The following ADAMTS6 variants were observed in gnomAD, a reference collection of about 807,000 sequenced individuals.
The protein encoded by ADAMTS6 is A disintegrin and metalloproteinase with thrombospondin motifs 6.
In ADAMTS6, 23 loss-of-function variants were observed where a neutral mutation model predicts 144.3. The ratio of observed to expected loss-of-function variants is 0.16; its 90% confidence interval spans 0.11 to 0.23. ADAMTS6 has a LOEUF of 0.23. ADAMTS6 is among the 10% of genes least tolerant of loss of function. The probability of loss-of-function intolerance (pLI) is 1.00; values close to 1 mark genes in which losing one functional copy is unlikely to be tolerated. For missense variants in ADAMTS6, 999 were observed against 1,379.6 expected (o/e 0.72, Z 4.37); for synonymous variants, 444 against 457.5 (o/e 0.97, Z 0.38).
At chr5:65,195,964 T>C (rs1462892635) in intron 21 of ADAMTS6, among the ~76,000 whole-genome samples, 1 of 152,244 alleles carries the variant, frequency 6.6e-6, no homozygotes, top group Non-Finnish European at 1.5e-5. Flanking sequence ...TTTTGCTCAA[T>C]CAAGAAACAT....
intron 7 of ADAMTS6, among the ~76,000 whole-genome samples, chr5:65,381,706 T>C (rs1054981421): frequency 5.3e-5 from 8 of 152,022 alleles, no homozygotes; most frequent in African/African-American, 1.9e-4. Context: ...ACCATTTTTG[T>C]TGCTGATAAA....
At position 65,473,600 on chromosome 5, in the gene ADAMTS6, T is replaced by G. The variant is rs573597172; in HGVS notation, c.74A>C (p.His25Pro). The G allele has an allele frequency of 3.7e-6, 6 of 1,613,724 alleles. No homozygotes were observed. In the African/African-American group the frequency reaches 6.7e-5, roughly 18 times the overall value. The change falls in exon 2 of 25, where the codon CAC (histidine) becomes CCC (proline). Residue 25 changes from histidine to proline, a missense_variant. By Grantham distance (77) the His-to-Pro change is moderately conservative. Around this residue, in one of 3 missense-constraint regions of ADAMTS6, gnomAD observed 252 missense variants for 293.7 expected, o/e 0.86. Transcript: ENST00000381055. ...IMASSEFHSDHRLSYSSQEEF... is the reference protein window; with the variant it reads ...IMASSEFHSDPRLSYSSQEEF... ...ACCTTGAGAACTGTATGAAAGCCTG[T>G]GGTCACTATGAAATTCCGATGAAGC... is the stretch of plus-strand genomic sequence containing the variant.
intron 1 of ADAMTS6, among the ~76,000 whole-genome samples, chr5:65,477,605 G>C (rs1760928628): frequency 6.6e-6 from 1 of 152,168 alleles, no homozygotes; most frequent in Non-Finnish European, 1.5e-5. Context: ...ACTACTATAT[G>C]ATTTAAGGAT....
At chr5:65,299,428 A>C (rs1030749838) in intron 10 of ADAMTS6, among the ~76,000 whole-genome samples, 1 of 152,196 alleles carries the variant, frequency 6.6e-6, no homozygotes, top group Non-Finnish European at 1.5e-5. Flanking sequence ...GCTAATTTGT[A>C]TTCTTCACAT....
chr5:65,442,842 T>C (rs1344054990), intron 7 of ADAMTS6, among the ~76,000 whole-genome samples: 2 of 152,014 alleles, frequency 1.3e-5, no homozygotes, highest in Non-Finnish European at 2.9e-5. Flanking sequence ...TCCCCTACCC[T>C]CAACAGGCCC....
intron 7 of ADAMTS6, among the ~76,000 whole-genome samples, chr5:65,351,304 A>C (rs1412849318): frequency 6.6e-6 from 1 of 152,244 alleles, no homozygotes; most frequent in African/African-American, 2.4e-5. Context: ...CTTTCAAGTG[A>C]TTGTCTCAAG....
chr5:65,414,894 T>C (rs1046456946), intron 7 of ADAMTS6, among the ~76,000 whole-genome samples: 2 of 151,984 alleles, frequency 1.3e-5, no homozygotes, highest in Non-Finnish European at 2.9e-5. Context: ...GAAAAAAACA[T>C]AGGAGTAAAT....
intron 9 of ADAMTS6, among the ~76,000 whole-genome samples, chr5:65,311,967 T>C (rs760276641): frequency 1.1e-4 from 17 of 152,084 alleles, no homozygotes; most frequent in South Asian, 2.1e-4. Flanking sequence ...ATCAACATCA[T>C]TGTTTTTGTT....
chr5:65,473,451 A>G (rs1441074174), intron 2 of ADAMTS6, 126 bp downstream of exon 2: 4 of 731,826 alleles, frequency 5.5e-6, no homozygotes, highest in African/African-American at 3.5e-5. Context: ...GAATTGACAC[A>G]GTAGGCCTCT....
intron 22 of ADAMTS6, among the ~76,000 whole-genome samples, chr5:65,182,268 A>G (rs112599653): frequency 0.15 from 22,951 of 151,742 alleles, 2,995 homozygotes; most frequent in African/African-American, 0.35. Flanking sequence ...CCAACATAGC[A>G]AAACCCTGTC....
At chr5:65,315,770 C>CAT (rs2112859764) in intron 9 of ADAMTS6, among the ~76,000 whole-genome samples, 1 of 152,004 alleles carries the variant, frequency 6.6e-6, no homozygotes, top group South Asian at 2.1e-4. Context: ...TTACATAATG[C>CAT]TAAAAGCATC....
At chr5:65,205,495 C>A (rs1240617415) in intron 20 of ADAMTS6, among the ~76,000 whole-genome samples, 1 of 152,134 alleles carries the variant, frequency 6.6e-6, no homozygotes, top group African/African-American at 2.4e-5. Context: ...TACATATTTT[C>A]TAATAATTAC....
rs78943723 is a variant in ADAMTS6, at chr5:65,303,887, G to C, written c.1224-3756C>G. On this transcript the variant is annotated intron_variant, in intron 9 of 24. Transcript: ENST00000381055. The stretch of plus-strand genomic sequence containing the variant: ...ATTCTATTTTTAAATAACAATATCT[G>C]CAACACTGGAAATTCTATCCTTTGC... Among the ~76,000 whole-genome samples the C allele has an allele frequency of 5.9e-3, 895 of 152,028 alleles. 4 individuals carry two copies. The highest frequency in any genetic ancestry group is 7.6e-3 in the Non-Finnish European group (514 of 67,942).
chr5:65,410,911 C>T (rs1219509286), intron 7 of ADAMTS6, among the ~76,000 whole-genome samples: 1 of 152,184 alleles, frequency 6.6e-6, no homozygotes, highest in Non-Finnish European at 1.5e-5. Context: ...AATCATAGCT[C>T]ACTGCAGTCT....
chr5:65,242,571 A>T (rs766275404), intron 14 of ADAMTS6, among the ~76,000 whole-genome samples: 25 of 152,168 alleles, frequency 1.6e-4, no homozygotes, highest in Non-Finnish European at 7.4e-5. Context: ...TTTGAGGTCC[A>T]GTTGCCATAG....
At position 65,160,407 on chromosome 5, in the gene ADAMTS6, C is replaced by T. The variant is rs544050935; in HGVS notation, c.3245-8462G>A. On this transcript the variant is annotated intron_variant, in intron 24 of 24. Coordinates refer to ENST00000381055, the MANE Select transcript of ADAMTS6 (RefSeq NM_197941.4). ...CTGCAAGCTCCGCCTCCCGGGTTCA[C>T]GCCATTCTCCAGCCTCAGCCTCCCG... is the stretch of plus-strand genomic sequence containing the variant. 1.7e-4 allele frequency among the ~76,000 whole-genome samples: 26 copies of T among 150,920 alleles called. No individual in the cohort carries two copies. In the South Asian group the frequency reaches 5.0e-3, roughly 29 times the overall value.
chr5:65,309,469 G>A (rs1744266149), intron 9 of ADAMTS6, among the ~76,000 whole-genome samples: 1 of 150,452 alleles, frequency 6.6e-6, no homozygotes, highest in Non-Finnish European at 1.5e-5. Flanking sequence ...CAGTGGGGGG[G>A]TGGGGAGGGG....
rs1760398741 is a variant in ADAMTS6, at chr5:65,471,119, G to A, written c.121C>T (p.His41Tyr). 2 of 1,599,020 alleles carry A rather than the reference G, an allele frequency of 1.3e-6. No homozygotes were observed. Among genetic ancestry groups the A allele is most frequent in the African/African-American group, 1.4e-5 (1 of 73,922 alleles). Residue 41 changes from histidine to tyrosine, a missense_variant, in exon 3 of 25, where the codon CAC (histidine) becomes TAC (tyrosine). His to Tyr is a moderately conservative substitution (Grantham distance 83). This residue lies in a region of ADAMTS6 where 252 missense variants were observed against 293.7 expected (regional missense o/e 0.86). Coordinates refer to ENST00000381055, the MANE Select transcript of ADAMTS6 (RefSeq NM_197941.4). The stretch of plus-strand genomic sequence containing the variant: ...CTTATTGGAATAGTTAGCTGGTAGT[G>A]TTCAAGATAAGTCAGGAATTCCTCT... ...SQEEFLTYLE[H>Y]YQLTIPIRVD...
intron 10 of ADAMTS6, among the ~76,000 whole-genome samples, chr5:65,291,697 C>A (rs956148999): frequency 1.3e-5 from 2 of 152,038 alleles, no homozygotes; most frequent in African/African-American, 4.8e-5. Context: ...TTTCAGACAA[C>A]AATATGAAAA....
Sources: allele counts gnomAD v4.1 joint callset (sites outside exome capture counted in the v4.1 genomes callset), GRCh38; gene constraint gnomAD v4.1.1; regional missense constraint gnomAD v4.1.1; transcripts MANE v1.5; gene names NCBI Gene and HGNC (gene_info 2026-07-23, HGNC 2026-07-21).